THSD4: variants seen among roughly 807,000 people sequenced by gnomAD.
THSD4 encodes the protein thrombospondin type 1 domain containing 4, also known as thrombospondin type-1 domain-containing protein 4.
THSD4 carries 69 observed loss-of-function variants against 119.0 expected under a neutral mutation model. The ratio of observed to expected loss-of-function variants is 0.58; its 90% CI spans 0.48 to 0.71. The LOEUF is 0.71. Among genes scored for constraint, THSD4 ranks in the 30% least tolerant of loss-of-function variants. The probability of loss-of-function intolerance (pLI) is 0.00; values close to 1 mark genes in which losing one functional copy is unlikely to be tolerated. For synonymous variants in THSD4, 524 were observed against 540.4 expected, an observed-to-expected ratio of 0.97 and a Z score of 0.42; for missense variants, 1,393 against 1,391.1, an observed-to-expected ratio of 1.00 and a Z score of -0.02.
chr15:71,356,870 A>G lies in THSD4; in HGVS notation c.1016-54817A>G, dbSNP rs546674296. 5.3e-5 allele frequency among the ~76,000 whole-genome samples: 8 copies of G among 152,268 alleles called. No individual in the cohort carries two copies. The South Asian group carries it at 1.2e-3, about 24-fold the overall frequency. On this transcript the variant is annotated intron_variant, in intron 6 of 17. Coordinates refer to ENST00000261862, the MANE Select transcript of THSD4 (RefSeq NM_024817.3). ...TCTCTACAGGGAATTTTATTCCTAG[A>G]GCACCAGTAGCACTGTATGGCAGGA...
Position 71,508,680 on chromosome 15 carries a change from A to G in THSD4, c.1152+96857A>G, listed in dbSNP as rs546523417. ...GTTTTCTTCTGAGTAGAGAAGTGAG[A>G]TACATTTTCAGTGTAGAATTTGTAA... On this transcript the variant is annotated intron_variant, in intron 7 of 17. Coordinates refer to ENST00000261862, the MANE Select transcript of THSD4 (RefSeq NM_024817.3). Among the ~76,000 whole-genome samples the G allele has an allele frequency of 2.6e-5, 4 of 152,322 alleles. No individual in the cohort carries two copies. The South Asian group carries it at 8.3e-4, about 32-fold the overall frequency.
In THSD4 at chr15:71,224,072, G is replaced by A. The variant is rs189998191; in HGVS notation, c.464+8673G>A. ...AACTGGAGGAGCCAGGGAAGGCTTC[G>A]GAGGAATAATTGAGCTGTGCTTTGA... On this transcript the variant is annotated intron_variant, in intron 4 of 17. Transcript: ENST00000261862. Among the ~76,000 whole-genome samples, 64 of 152,250 alleles carry A rather than the reference G, an allele frequency of 4.2e-4. No homozygotes were observed. In the East Asian group the frequency reaches 8.3e-3, roughly 20 times the overall value.
intron 5 of THSD4, among the ~76,000 whole-genome samples, chr15:71,250,863 T>TA (rs1206613816): frequency 6.6e-6 from 1 of 151,940 alleles, no homozygotes; most frequent in African/African-American, 2.4e-5. Context: ...TTGATGTAGG[T>TA]ATTGAATGAG....
chr15:71,645,954 C>T (rs904140168), intron 7 of THSD4, among the ~76,000 whole-genome samples: 10 of 152,200 alleles, frequency 6.6e-5, no homozygotes, highest in Non-Finnish European at 1.0e-4. Context: ...CCAACACGTG[C>T]ACCTTTCAGT....
intron 7 of THSD4, among the ~76,000 whole-genome samples, chr15:71,540,436 G>T (rs7173186): frequency 0.75 from 93,986 of 125,708 alleles, 33,850 homozygotes; most frequent in East Asian, 0.95. Flanking sequence ...GCACCTGGCC[G>T]CCTTTTTTTT....
At chr15:71,665,654 A>G (rs373923007) in intron 8 of THSD4, among the ~76,000 whole-genome samples, 12 of 152,132 alleles carry the variant, frequency 7.9e-5, no homozygotes, top group African/African-American at 2.7e-4. Context: ...TCTTTAATCT[A>G]TCTTGAGTTG....
intron 6 of THSD4, among the ~76,000 whole-genome samples, chr15:71,363,364 TC>T (rs2045918664): frequency 6.6e-6 from 1 of 152,182 alleles, no homozygotes; most frequent in African/African-American, 2.4e-5. Context: ...GCTGTTATAT[TC>T]CCTTTTTGCT....
chr15:71,458,233 A>T (rs1338096372), intron 7 of THSD4, among the ~76,000 whole-genome samples: 1 of 152,256 alleles, frequency 6.6e-6, no homozygotes, highest in Non-Finnish European at 1.5e-5. Flanking sequence ...ACTTGCCAAA[A>T]ATCAGATGAA....
intron 7 of THSD4, among the ~76,000 whole-genome samples, chr15:71,613,547 A>G (rs62022833): frequency 6.6e-6 from 1 of 152,220 alleles, no homozygotes; most frequent in Non-Finnish European, 1.5e-5. Flanking sequence ...GTCACAATCT[A>G]TTAAATTTCT....
chr15:71,463,414 A>T (rs1219193775), intron 7 of THSD4, among the ~76,000 whole-genome samples: 2 of 152,158 alleles, frequency 1.3e-5, no homozygotes, highest in South Asian at 4.1e-4. Context: ...TCAGCCAACT[A>T]TCAGTCGCCC....
chr15:71,168,117 G>T (rs1023570184), intron 3 of THSD4, among the ~76,000 whole-genome samples: 6 of 152,196 alleles, frequency 3.9e-5, no homozygotes, highest in Non-Finnish European at 5.9e-5. Flanking sequence ...AAGATACTTG[G>T]CAAATGACTA....
At chr15:71,234,984 C>T (rs75285182) in intron 4 of THSD4, among the ~76,000 whole-genome samples, 3,703 of 152,278 alleles carry the variant, frequency 0.024, 164 homozygotes, top group African/African-American at 0.085. Flanking sequence ...GACTATTCCT[C>T]GGTATAATTT....
intron 8 of THSD4, among the ~76,000 whole-genome samples, chr15:71,726,694 T>C (rs1371587517): frequency 6.6e-6 from 1 of 152,110 alleles, no homozygotes. Flanking sequence ...TCCCAGCACT[T>C]TGGGAGGCTG....
rs2044544412 is a variant in THSD4, at chr15:71,272,550, A to ACC, written c.1015+15836_1015+15837insCC. On this transcript the variant is annotated intron_variant, in intron 6 of 17. Coordinates refer to ENST00000261862, the MANE Select transcript of THSD4 (RefSeq NM_024817.3). ...AATCAGCAGGGAAATACAAATTAAAACTACAATAAGCTATCATCTCATGCC... is the reference window on the plus strand; with the variant it reads ...AATCAGCAGGGAAATACAAATTAAAACCCTACAATAAGCTATCATCTCATGCC... 2.0e-5 allele frequency among the ~76,000 whole-genome samples: 3 copies of ACC among 152,212 alleles called. No individual in the cohort carries two copies. The South Asian group carries it at 6.2e-4, about 32-fold the overall frequency.
chr15:71,289,692 G>C lies in THSD4; in HGVS notation c.1015+32977G>C, dbSNP rs138357824. Among the ~76,000 whole-genome samples, 3 of 152,290 alleles carry C rather than the reference G, an allele frequency of 2.0e-5. No homozygotes were observed. In the East Asian group the frequency reaches 5.8e-4, roughly 29 times the overall value. On this transcript the variant is annotated intron_variant, in intron 6 of 17. Coordinates refer to ENST00000261862, the MANE Select transcript of THSD4 (RefSeq NM_024817.3). ...AAAGGCAAATGTTGATCTGTTTTAA[G>C]AACAGAGAATCATAACGCGTAGAGC...
At chr15:71,343,661 A>C (rs1416337402) in intron 6 of THSD4, among the ~76,000 whole-genome samples, 1 of 151,210 alleles carries the variant, frequency 6.6e-6, no homozygotes, top group African/African-American at 2.4e-5. Flanking sequence ...TCTTATAAGG[A>C]CACCTGTCAC....
intron 7 of THSD4, among the ~76,000 whole-genome samples, chr15:71,610,394 C>A (rs889384077): frequency 1.3e-5 from 2 of 152,150 alleles, no homozygotes; most frequent in Admixed American, 1.3e-4. Context: ...CAGAGACCCA[C>A]CTTCATCCAG....
upstream of THSD4, chr15:71,112,236 G>A: frequency 6.2e-7 from 1 of 1,608,630 alleles, no homozygotes; most frequent in Non-Finnish European, 8.5e-7. Context: ...GGGCTGATCA[G>A]TGAGGTGGGG....
intron 1 of THSD4, among the ~76,000 whole-genome samples, chr15:71,101,251 A>G (rs1167682635): frequency 2.0e-5 from 3 of 152,042 alleles, no homozygotes; most frequent in Non-Finnish European, 4.4e-5. Context: ...TTATATTACT[A>G]TTATATTTTA....
Sources: gnomAD v4.1 joint callset for allele counts (sites outside exome capture counted in the v4.1 genomes callset) on GRCh38, gnomAD v4.1.1 for gene constraint, MANE v1.5 for transcripts, NCBI Gene and HGNC (gene_info 2026-07-23, HGNC 2026-07-21) for gene names.